Variants in GRIK3 observed in about 807,000 individuals in gnomAD.
GRIK3 encodes the protein glutamate receptor ionotropic, kainate 3.
A neutral mutation model predicts 102.5 loss-of-function variants in GRIK3; 29 were observed. The observed-to-expected ratio is 0.28, with a 90% CI of 0.21 to 0.39. The LOEUF is 0.39. Ranked by LOEUF, GRIK3 falls within the 10% of genes least tolerant of loss-of-function variation. The pLI is 1.00. For synonymous variants in GRIK3, 511 were observed against 504.9 expected (o/e 1.01, Z -0.16); for missense variants, 908 against 1,252.4 (o/e 0.73, Z 4.15).
At position 36,926,671 on chromosome 1, in the gene GRIK3, G is replaced by A. The variant is rs573679919; in HGVS notation, c.116-35575C>T. On this transcript the variant is annotated intron_variant, in intron 1 of 15. Coordinates refer to ENST00000373091, the MANE Select transcript of GRIK3 (RefSeq NM_000831.4). The stretch of plus-strand genomic sequence containing the variant: ...CCCAAAGTGCTGGGATTACAGGTGT[G>A]AGCCACCGTGCCCGGCCCTACTCCC... Among the ~76,000 whole-genome samples, 148 of 152,154 alleles carry A rather than the reference G, an allele frequency of 9.7e-4. 1 individual carries two copies. The highest frequency in any genetic ancestry group is 3.4e-3 in the African/African-American group (141 of 41,528).
chr1:36,885,349 T>C (rs891305973), intron 2 of GRIK3, among the ~76,000 whole-genome samples: 1 of 152,066 alleles, frequency 6.6e-6, no homozygotes, highest in Non-Finnish European at 1.5e-5. Flanking sequence ...CTGGTGATGA[T>C]GAAGATGTTG....
At chr1:36,994,068 G>C (rs1330040478) in intron 1 of GRIK3, among the ~76,000 whole-genome samples, 1 of 152,196 alleles carries the variant, frequency 6.6e-6, no homozygotes, top group Non-Finnish European at 1.5e-5. Flanking sequence ...AGGGGACCCA[G>C]CCCATGCATG....
chr1:36,978,536 A>G (rs1233459818), intron 1 of GRIK3, among the ~76,000 whole-genome samples: 5 of 152,240 alleles, frequency 3.3e-5, no homozygotes, highest in Non-Finnish European at 7.3e-5. Flanking sequence ...TCAGGAGTCT[A>G]TGGATCAACT....
intron 1 of GRIK3, among the ~76,000 whole-genome samples, chr1:36,981,578 T>G (rs1295445809): frequency 6.6e-6 from 1 of 151,734 alleles, no homozygotes; most frequent in Admixed American, 6.6e-5. Context: ...CTACAGCACA[T>G]AGCCTGTAAG....
intron 1 of GRIK3, among the ~76,000 whole-genome samples, chr1:37,010,349 A>G (rs1215945826): frequency 6.6e-6 from 1 of 152,218 alleles, no homozygotes; most frequent in Non-Finnish European, 1.5e-5. Context: ...TATTCTTGAG[A>G]AAAATAAATA....
At chr1:36,815,749 T>G (rs1171835126) in intron 13 of GRIK3, among the ~76,000 whole-genome samples, 1 of 151,978 alleles carries the variant, frequency 6.6e-6, no homozygotes, top group East Asian at 1.9e-4. Context: ...CTGCAAGCTG[T>G]GTTTCTTTCT....
intron 1 of GRIK3, among the ~76,000 whole-genome samples, chr1:36,948,884 G>GC (rs1641812551): frequency 6.6e-6 from 1 of 152,166 alleles, no homozygotes; most frequent in African/African-American, 2.4e-5. Context: ...TGTGGAGGCT[G>GC]CCCCCTCCTG....
At chr1:36,833,773 G>A (rs1228130242) in intron 10 of GRIK3, among the ~76,000 whole-genome samples, 3 of 152,200 alleles carry the variant, frequency 2.0e-5, no homozygotes, top group Non-Finnish European at 4.4e-5. Context: ...ATAGTGCCAT[G>A]GCCATAACTG....
At chr1:36,990,791 G>A (rs1212199303) in intron 1 of GRIK3, among the ~76,000 whole-genome samples, 1 of 152,124 alleles carries the variant, frequency 6.6e-6, no homozygotes, top group East Asian at 1.9e-4. Flanking sequence ...GGGAGTTGGT[G>A]GCCAGAGTTC....
At chr1:36,817,306 C>A in intron 12 of GRIK3, 29 bp from the exon 13 acceptor site, 1 of 1,456,020 alleles carries the variant, frequency 6.9e-7, no homozygotes, top group Non-Finnish European at 9.7e-7. Context: ...TAGTCAGTCC[C>A]TTACAACATC....
At chr1:37,029,079 C>A (rs1034173478) in intron 1 of GRIK3, among the ~76,000 whole-genome samples, 1 of 151,104 alleles carries the variant, frequency 6.6e-6, no homozygotes, top group African/African-American at 2.5e-5. Context: ...CTGCGGTGGC[C>A]GTCTCAGCAC....
chr1:36,904,682 T>C (rs925589349), intron 1 of GRIK3, among the ~76,000 whole-genome samples: 1 of 152,166 alleles, frequency 6.6e-6, no homozygotes, highest in Non-Finnish European at 1.5e-5. Context: ...GTAGGCATTA[T>C]CAATCAAAGC....
chr1:36,822,441 C>T (rs1023114992), intron 11 of GRIK3, among the ~76,000 whole-genome samples: 2 of 152,154 alleles, frequency 1.3e-5, no homozygotes, highest in African/African-American at 2.4e-5. Context: ...TGGGACAGAG[C>T]GTCCAGGCTC....
At chr1:37,032,253 G>A (rs1295967990) in intron 1 of GRIK3, among the ~76,000 whole-genome samples, 1 of 152,132 alleles carries the variant, frequency 6.6e-6, no homozygotes, top group Admixed American at 6.5e-5. Flanking sequence ...TGCCCTTACG[G>A]TAGCCTGTCC....
In GRIK3 at chr1:37,034,433, T is replaced by C. The variant is rs1237667529; in HGVS notation, c.-325A>G. On this transcript the variant is annotated 5_prime_UTR_variant, in exon 1 of 16. Coordinates refer to ENST00000373091, the MANE Select transcript of GRIK3 (RefSeq NM_000831.4). The stretch of plus-strand genomic sequence containing the variant: ...CGCGCGGGCTCCCACCTGCCCCGGC[T>C]GCCGGGCTCTGGCGGGCGGGCTGCA... 6.6e-6 allele frequency among the ~76,000 whole-genome samples: 1 copy of C among 150,698 alleles called. No homozygotes were observed. Among genetic ancestry groups the C allele is most frequent in the Non-Finnish European group, 1.5e-5 (1 of 67,410 alleles).
chr1:36,843,775 C>T (rs1640488712), intron 9 of GRIK3, among the ~76,000 whole-genome samples: 1 of 152,244 alleles, frequency 6.6e-6, no homozygotes, highest in Non-Finnish European at 1.5e-5. Context: ...CCCAGACCTG[C>T]CTCAGCACCC....
chr1:36,955,298 G>C (rs757259174), intron 1 of GRIK3, among the ~76,000 whole-genome samples: 3 of 152,198 alleles, frequency 2.0e-5, no homozygotes, highest in Non-Finnish European at 4.4e-5. Context: ...GTGGGGCGGT[G>C]GGGTACAGGG....
At chr1:36,906,360 A>C (rs1641284397) in intron 1 of GRIK3, among the ~76,000 whole-genome samples, 1 of 152,202 alleles carries the variant, frequency 6.6e-6, no homozygotes, top group South Asian at 2.1e-4. Context: ...TCCACCTGCA[A>C]GATGGGGTAC....
intron 1 of GRIK3, among the ~76,000 whole-genome samples, chr1:37,004,358 T>C (rs1247223408): frequency 6.6e-6 from 1 of 152,168 alleles, no homozygotes; most frequent in Non-Finnish European, 1.5e-5. Flanking sequence ...GGATAAAGAA[T>C]CACACAAAGA....
Sources: allele counts gnomAD v4.1 joint callset (sites outside exome capture counted in the v4.1 genomes callset), GRCh38; gene constraint gnomAD v4.1.1; transcripts MANE v1.5; gene names NCBI Gene and HGNC (gene_info 2026-07-23, HGNC 2026-07-21).